The following ZNF398 variants were observed in gnomAD, a reference collection of about 807,000 sequenced individuals.
ZNF398 encodes the protein zinc finger DNA binding protein ZER6.
Under a neutral mutation model 41.9 loss-of-function variants are expected in ZNF398, and 18 were observed. The ratio of observed to expected loss-of-function variants is 0.43; its 90% CI spans 0.30 to 0.64. ZNF398 has a LOEUF of 0.64. Ranked by LOEUF, ZNF398 falls within the 30% of genes least tolerant of loss-of-function variation. ZNF398 has a pLI of 0.14. For synonymous variants in ZNF398, 260 were observed against 308.8 expected, an observed-to-expected ratio of 0.84 and a Z score of 1.66; for missense variants, 669 against 822.8, an observed-to-expected ratio of 0.81 and a Z score of 2.29.
rs548170477 is a variant in ZNF398, at chr7:149,156,515, A to G, written c.420+2175A>G. On this transcript the variant is annotated intron_variant, in intron 2 of 5. Transcript: ENST00000475153. ...GCGAGACTCCATCTCAAAAAAAAAAAAAAAAAAAAAAAGAGTTACTGATGG... is the reference window on the plus strand; with the variant it reads ...GCGAGACTCCATCTCAAAAAAAAAAGAAAAAAAAAAAAGAGTTACTGATGG... Among the ~76,000 whole-genome samples, 20 of 150,886 alleles carry G rather than the reference A, an allele frequency of 1.3e-4. No homozygotes were observed. In the South Asian group the frequency reaches 2.7e-3, roughly 20 times the overall value.
intron 4 of ZNF398, among the ~76,000 whole-genome samples, chr7:149,169,986 T>C (rs1243317388): frequency 6.6e-6 from 1 of 152,140 alleles, no homozygotes; most frequent in East Asian, 1.9e-4. Context: ...AGTGGAGTCT[T>C]ATAGGATATG....
At chr7:149,136,527 GAC>G (rs149147253) in intron 2 of ZNF398, among the ~76,000 whole-genome samples, 114 of 152,222 alleles carry the variant, frequency 7.5e-4, no homozygotes, top group African/African-American at 2.4e-3. Flanking sequence ...CAATAGTTGA[GAC>G]ACAATTTGTT....
chr7:149,148,460 G>T, intron 1 of ZNF398: 1 of 985,542 alleles, frequency 1.0e-6, no homozygotes, highest in Non-Finnish European at 1.2e-6. Flanking sequence ...GGAAAGCACT[G>T]ATCGCATTTG....
At chr7:149,174,109 C>T (rs1485897780) in intron 4 of ZNF398, among the ~76,000 whole-genome samples, 1 of 151,764 alleles carries the variant, frequency 6.6e-6, no homozygotes, top group Non-Finnish European at 1.5e-5. Flanking sequence ...TAGCATAATT[C>T]TTAAGAGCCC....
intron 2 of ZNF398, among the ~76,000 whole-genome samples, chr7:149,155,001 A>T (rs1340953898): frequency 6.6e-6 from 1 of 151,622 alleles, no homozygotes; most frequent in Admixed American, 6.6e-5. Context: ...AAAAAAAAAA[A>T]AAAGGCCTGG....
At position 149,154,067 on chromosome 7, in the gene ZNF398, C is replaced by T. The variant is rs142532899; in HGVS notation, c.147C>T (p.Ala49=). The part of the protein sequence containing the change: ...AAISLWTVVA[A]VQAIERKVEI... ...TCTCTCTGTGGACAGTGGTGGCCGC[C>T]GTGCAGGCTATAGAGAGGAAGGTGG... is the stretch of plus-strand genomic sequence containing the variant. The change falls in exon 2 of 6, where the codon GCC becomes GCT. Residue 49 remains alanine, a synonymous_variant. Coordinates refer to ENST00000475153, the MANE Select transcript of ZNF398 (RefSeq NM_170686.3). 2,543 of 1,614,206 alleles carry T rather than the reference C, an allele frequency of 1.6e-3. 20 individuals are homozygous for T. The highest frequency in any genetic ancestry group is 0.013 in the South Asian group (1,156 of 91,086).
chr7:149,171,022 T>G (rs1478342171), intron 4 of ZNF398, among the ~76,000 whole-genome samples: 1 of 150,836 alleles, frequency 6.6e-6, no homozygotes, highest in Admixed American at 6.6e-5. Context: ...TTTTTTTTTT[T>G]TTTTTTTAGA....
chr7:149,164,113 A>T (rs1563162696), intron 2 of ZNF398, among the ~76,000 whole-genome samples: 2 of 149,868 alleles, frequency 1.3e-5, no homozygotes, highest in Non-Finnish European at 3.0e-5. Flanking sequence ...CTCCATCTTA[A>T]AAAAAGAAAG....
In ZNF398 at chr7:149,151,720, G is replaced by C. The variant is rs183797671; in HGVS notation, c.25-2225G>C. On this transcript the variant is annotated intron_variant, in intron 1 of 5. Coordinates refer to ENST00000475153, the MANE Select transcript of ZNF398 (RefSeq NM_170686.3). The stretch of plus-strand genomic sequence containing the variant: ...AAAATTAAGCTATAGAAGACATCCT[G>C]AGGTGGCTGGTTTGCATGCAAGCCT... Among the ~76,000 whole-genome samples, 258 of 151,052 alleles carry C rather than the reference G, an allele frequency of 1.7e-3. 1 individual carries two copies. The highest frequency in any genetic ancestry group is 5.8e-3 in the African/African-American group (238 of 41,286).
intron 2 of ZNF398, among the ~76,000 whole-genome samples, chr7:149,140,573 G>A (rs1053751701): frequency 2.0e-5 from 3 of 152,000 alleles, no homozygotes; most frequent in Non-Finnish European, 2.9e-5. Flanking sequence ...TAGTAGAGAC[G>A]GGGTTTCATC....
chr7:149,127,023 C>T (rs896911584), intron 1 of ZNF398, among the ~76,000 whole-genome samples: 1 of 152,182 alleles, frequency 6.6e-6, no homozygotes, highest in Admixed American at 6.5e-5. Flanking sequence ...GGATGCGGGC[C>T]GGGCACCCCT....
At position 149,147,476 on chromosome 7, in the gene ZNF398, A is replaced by C. The variant is rs1046272214; in HGVS notation, c.-267A>C. 2.8e-5 allele frequency: 8 copies of C among 280,828 alleles called. No homozygotes were observed. The highest frequency in any genetic ancestry group is 6.3e-5 in the East Asian group (1 of 15,964). 17.4% of individuals were successfully genotyped at this position (280,828 alleles called of 1,614,324 possible). On this transcript the variant is annotated 5_prime_UTR_variant, in exon 1 of 6. Transcript: ENST00000475153. The surrounding 1 kb of genome is among the most constrained non-coding windows in gnomAD (Gnocchi z 5.6). The stretch of plus-strand genomic sequence containing the variant: ...GTGCACTCGCTGCCCACAAAGCGCC[A>C]GCTGAGGGGCCGCTGCGGGTGGAGT...
intron 5 of ZNF398, among the ~76,000 whole-genome samples, chr7:149,178,303 A>C (rs1449141347): frequency 6.6e-6 from 1 of 150,788 alleles, no homozygotes; most frequent in Non-Finnish European, 1.5e-5. Context: ...AAAAAAAAAA[A>C]TTACCTGAGC....
intron 2 of ZNF398, among the ~76,000 whole-genome samples, chr7:149,139,051 C>T (rs1264699316): frequency 1.3e-5 from 2 of 152,038 alleles, no homozygotes; most frequent in East Asian, 3.9e-4. Flanking sequence ...GCTGGGACTA[C>T]AGGAGCACGC....
intron 2 of ZNF398, among the ~76,000 whole-genome samples, chr7:149,156,492 G>A (rs562462446): frequency 5.6e-5 from 7 of 124,120 alleles, no homozygotes; most frequent in Non-Finnish European, 8.1e-5. Flanking sequence ...GCAACAGGGC[G>A]AGACTCCATC....
At chr7:149,172,445 G>A (rs1202457) in intron 4 of ZNF398, among the ~76,000 whole-genome samples, 7 of 151,762 alleles carry the variant, frequency 4.6e-5, no homozygotes, top group African/African-American at 7.3e-5. Context: ...TAAGTACCCC[G>A]CGCTCCCCCC....
At chr7:149,171,155 T>G (rs114062200) in intron 4 of ZNF398, among the ~76,000 whole-genome samples, 98 of 151,142 alleles carry the variant, frequency 6.5e-4, no homozygotes, top group African/African-American at 2.1e-3. Flanking sequence ...GCCAAGAAAT[T>G]TTTTCTTTAA....
intron 2 of ZNF398, among the ~76,000 whole-genome samples, chr7:149,139,191 C>T (rs867862672): frequency 7.5e-4 from 113 of 151,420 alleles, no homozygotes; most frequent in African/African-American, 2.4e-3. Context: ...ATTATAGGCA[C>T]AAGCCACTGC....
At chr7:149,154,990 A>T (rs956860301) in intron 2 of ZNF398, among the ~76,000 whole-genome samples, 9 of 29,050 alleles carry the variant, frequency 3.1e-4, no homozygotes, top group African/African-American at 5.4e-4. Context: ...ACTCCTTCTA[A>T]AAAAAAAAAA....
Sources: allele counts gnomAD v4.1 joint callset (sites outside exome capture counted in the v4.1 genomes callset), GRCh38; gene constraint gnomAD v4.1.1; non-coding constraint Gnocchi (gnomAD v3.1); transcripts MANE v1.5; gene names NCBI Gene and HGNC (gene_info 2026-07-23, HGNC 2026-07-21).